The following ALG14 variants were observed in gnomAD, a reference collection of about 807,000 sequenced individuals.
ALG14 encodes UDP-N-acetylglucosamine transferase subunit ALG14.
ALG14 carries 17 observed loss-of-function variants against 22.8 expected under a neutral mutation model. The ratio of observed to expected loss-of-function variants is 0.75; its 90% CI spans 0.51 to 1.12. ALG14 has a LOEUF of 1.12. Ranked by LOEUF, ALG14 falls within the 50% of genes most tolerant of loss-of-function variation. The probability of loss-of-function intolerance (pLI) is 0.00; values close to 1 mark genes in which losing one functional copy is unlikely to be tolerated. For synonymous variants in ALG14, 89 were observed against 103.7 expected (o/e 0.86, Z 0.86); for missense variants, 288 against 271.8 (o/e 1.06, Z -0.42).
intron 2 of ALG14, among the ~76,000 whole-genome samples, chr1:95,050,601 A>T (rs1674714744): frequency 6.6e-6 from 1 of 152,222 alleles, no homozygotes; most frequent in Admixed American, 6.5e-5. Flanking sequence ...CCTAATTGCC[A>T]CAAACAAGAA....
intron 3 of ALG14, among the ~76,000 whole-genome samples, chr1:95,014,150 C>A (rs115915272): frequency 4.4e-4 from 67 of 152,272 alleles, no homozygotes; most frequent in Non-Finnish European, 8.2e-4. Flanking sequence ...CAGCATTGTT[C>A]ACTGTTTGGC....
intron 1 of ALG14, chr1:95,067,170 AC>A (rs1048750389): frequency 7.9e-5 from 12 of 152,242 alleles, no homozygotes; most frequent in African/African-American, 2.7e-4. Flanking sequence ...AAGAACTGTT[AC>A]AAAAGACTAT....
At chr1:95,040,704 T>A (rs975543853) in intron 2 of ALG14, among the ~76,000 whole-genome samples, 2 of 152,214 alleles carry the variant, frequency 1.3e-5, no homozygotes, top group African/African-American at 4.8e-5. Context: ...GATTTTTTTT[T>A]TAATTGTGCT....
chr1:95,037,499 GGA>G (rs1674237849), intron 2 of ALG14, among the ~76,000 whole-genome samples: 1 of 152,162 alleles, frequency 6.6e-6, no homozygotes, highest in Non-Finnish European at 1.5e-5. Context: ...GAGAGAGCTT[GGA>G]GCTGCTGGAG....
chr1:95,004,555 A>G (rs1375101003), intron 3 of ALG14, among the ~76,000 whole-genome samples: 1 of 151,868 alleles, frequency 6.6e-6, no homozygotes, highest in African/African-American at 2.4e-5. Context: ...GCTACAGTGC[A>G]GTGGTGCAAT....
At position 95,044,139 on chromosome 1, in the gene ALG14, T is replaced by C. The variant is rs1674469346; in HGVS notation, c.289-16879A>G. Among the ~76,000 whole-genome samples the C allele has an allele frequency of 2.0e-5, 3 of 152,176 alleles. No individual in the cohort carries two copies. In the South Asian group the frequency reaches 6.2e-4, roughly 32 times the overall value. ...TCTGTTTTCTGCCATGAAATTCTGT[T>C]AACTCCACTTTCAAAAACATCCAGA... is the stretch of plus-strand genomic sequence containing the variant. On this transcript the variant is annotated intron_variant, in intron 2 of 3. Transcript: ENST00000370205.
Position 94,992,255 on chromosome 1 carries a change from C to A in ALG14, c.421-8949G>T, listed in dbSNP as rs148782307. ...TGGCAGTGCAGTAGGCTTGTTTACC[C>A]GTGCTACATTAGGACATCTATGATG... On this transcript the variant is annotated intron_variant, in intron 3 of 3. Coordinates refer to ENST00000370205, the MANE Select transcript of ALG14 (RefSeq NM_144988.4). Among the ~76,000 whole-genome samples the A allele has an allele frequency of 3.3e-3, 496 of 152,170 alleles. 1 individual carries two copies. Among genetic ancestry groups the A allele is most frequent in the African/African-American group, 0.011 (477 of 41,510 alleles).
At chr1:95,064,774 T>A in intron 2 of ALG14, 92 bp downstream of exon 2, 1 of 1,141,164 alleles carries the variant, frequency 8.8e-7, no homozygotes, top group South Asian at 2.0e-5. Flanking sequence ...CCATTGTGGG[T>A]AGGGCACTGA....
chr1:95,064,854 A>G lies in ALG14; in HGVS notation c.288+12T>C. 1 of 1,599,940 alleles carries G rather than the reference A, an allele frequency of 6.3e-7. No homozygotes were observed. The highest frequency in any genetic ancestry group is 8.5e-7 in the Non-Finnish European group (1 of 1,171,534). On this transcript the variant is annotated intron_variant, in intron 2 of 3. Transcript: ENST00000370205. ...ACTTGTAATTTTCTTAGAAATAGAA[A>G]TTGTCACTTACCATGTTACTAGGGT...
intron 2 of ALG14, among the ~76,000 whole-genome samples, chr1:95,040,254 C>G (rs1674338657): frequency 6.6e-6 from 1 of 152,070 alleles, no homozygotes; most frequent in South Asian, 2.1e-4. Flanking sequence ...CAGTAGAAGA[C>G]TAAGGCCCAG....
At chr1:95,048,324 T>A (rs950329508) in intron 2 of ALG14, among the ~76,000 whole-genome samples, 2 of 152,238 alleles carry the variant, frequency 1.3e-5, no homozygotes, top group African/African-American at 4.8e-5. Context: ...CTATATTTTT[T>A]TAAATGCAGG....
chr1:95,025,795 T>G (rs530214914), intron 3 of ALG14, among the ~76,000 whole-genome samples: 1 of 152,220 alleles, frequency 6.6e-6, no homozygotes, highest in Non-Finnish European at 1.5e-5. Flanking sequence ...TTAAAGAGAA[T>G]TAGGACCTTG....
At chr1:95,005,487 T>A (rs544655157) in intron 3 of ALG14, among the ~76,000 whole-genome samples, 1 of 148,358 alleles carries the variant, frequency 6.7e-6, no homozygotes, top group South Asian at 2.1e-4. Context: ...TAATGTTATA[T>A]CATTTAGGCC....
chr1:95,008,548 T>C (rs989291380), intron 3 of ALG14, among the ~76,000 whole-genome samples: 5 of 152,136 alleles, frequency 3.3e-5, no homozygotes, highest in African/African-American at 1.2e-4. Flanking sequence ...TTTAGAAAAA[T>C]AGGTTTTTCA....
chr1:95,064,791 A>C, intron 2 of ALG14, 75 bp downstream of exon 2: 2 of 1,440,236 alleles, frequency 1.4e-6, no homozygotes, highest in East Asian at 2.3e-5. Context: ...CTGAAGTGCC[A>C]TGAGATTATT....
At chr1:95,053,048 C>T (rs57213707) in intron 2 of ALG14, among the ~76,000 whole-genome samples, 7,026 of 152,086 alleles carry the variant, frequency 0.046, 216 homozygotes, top group South Asian at 0.087. Context: ...AGAAATCTAA[C>T]GCATCAGTAA....
At position 95,065,752 on chromosome 1, in the gene ALG14, A is replaced by G. The variant is rs183451528; in HGVS notation, c.137-735T>C. 9.1e-4 allele frequency among the ~76,000 whole-genome samples: 138 copies of G among 152,358 alleles called. 1 individual carries two copies. Among genetic ancestry groups the G allele is most frequent in the Admixed American group, 7.5e-3 (115 of 15,300 alleles). On this transcript the variant is annotated intron_variant, in intron 1 of 3. Coordinates refer to ENST00000370205, the MANE Select transcript of ALG14 (RefSeq NM_144988.4). Reference sequence around the variant, plus strand: ...AACCCCAGCTCCTATGAGAGGTCTCAGCACACTGCAGGTCCTCAAATATTT... The same window carrying G: ...AACCCCAGCTCCTATGAGAGGTCTCGGCACACTGCAGGTCCTCAAATATTT...
chr1:94,983,440 G>A, intron 3 of ALG14, 134 bp from the exon 4 acceptor site: 1 of 752,270 alleles, frequency 1.3e-6, no homozygotes, highest in South Asian at 1.8e-5. Flanking sequence ...CAAGAACCAG[G>A]ATGCAGCAAA....
At chr1:95,037,636 C>T (rs1674241953) in intron 2 of ALG14, among the ~76,000 whole-genome samples, 1 of 152,180 alleles carries the variant, frequency 6.6e-6, no homozygotes. Flanking sequence ...TGAATTTTTC[C>T]TGTTTTGTAA....
Sources: gnomAD v4.1 joint callset for allele counts (sites outside exome capture counted in the v4.1 genomes callset) on GRCh38, gnomAD v4.1.1 for gene constraint, MANE v1.5 for transcripts, NCBI Gene and HGNC (gene_info 2026-07-23, HGNC 2026-07-21) for gene names.